Variants in RALB observed in about 807,000 individuals in gnomAD.
The protein encoded by RALB is ras-related protein Ral-B.
Under a neutral mutation model 21.3 loss-of-function variants are expected in RALB, and 16 were observed. The observed-to-expected ratio is 0.75, with a 90% confidence interval of 0.51 to 1.14. The LOEUF (loss-of-function observed/expected upper bound fraction) is 1.14. Ranked by LOEUF, RALB falls within the 50% of genes most tolerant of loss-of-function variation. The probability of loss-of-function intolerance (pLI) is 0.00; values close to 1 mark genes in which losing one functional copy is unlikely to be tolerated. For synonymous variants in RALB, 93 were observed against 96.1 expected (o/e 0.97, Z 0.19); for missense variants, 161 against 256.2 (o/e 0.63, Z 2.54).
intron 1 of RALB, among the ~76,000 whole-genome samples, chr2:120,262,482 T>C (rs574158060): frequency 6.6e-6 from 1 of 152,230 alleles, no homozygotes; most frequent in Admixed American, 6.5e-5. Context: ...AGGAGATGGA[T>C]GCAGTTCTGT....
intron 3 of RALB, among the ~76,000 whole-genome samples, chr2:120,287,103 A>C (rs1317798544): frequency 6.6e-6 from 1 of 152,230 alleles, no homozygotes; most frequent in Non-Finnish European, 1.5e-5. Context: ...CCCAAAAATC[A>C]AATCAGTTTT....
chr2:120,289,449 A>G, intron 3 of RALB, 131 bp from the exon 4 acceptor site: 1 of 925,618 alleles, frequency 1.1e-6, no homozygotes, highest in East Asian at 2.4e-5. Flanking sequence ...CTTTCTCAGA[A>G]CATGCCCTAA....
At chr2:120,246,539 C>T (rs1446234678) in intron 1 of RALB, among the ~76,000 whole-genome samples, 1 of 152,242 alleles carries the variant, frequency 6.6e-6, no homozygotes. Context: ...CTTCCTCCTC[C>T]CCCTTCCTAA....
At chr2:120,292,483 A>C (rs1424386529) in intron 4 of RALB, among the ~76,000 whole-genome samples, 1 of 152,174 alleles carries the variant, frequency 6.6e-6, no homozygotes, top group Non-Finnish European at 1.5e-5. Flanking sequence ...TGTCAAGAGC[A>C]CCTGGGAGCA....
In RALB at chr2:120,246,996, G is replaced by A. The variant is rs72956837; in HGVS notation, c.19+6871G>A. ...TTTCACTTTGGAAAGAGCTCAGCGCGGAATCTAGACACTTGAATCTCATTT... is the reference window on the plus strand; with the variant it reads ...TTTCACTTTGGAAAGAGCTCAGCGCAGAATCTAGACACTTGAATCTCATTT... On this transcript the variant is annotated intron_variant, in intron 1 of 3. Transcript: ENST00000447591. Among the ~76,000 whole-genome samples the A allele has an allele frequency of 3.8e-3, 584 of 152,350 alleles. 3 individuals are homozygous for A. Among genetic ancestry groups the A allele is most frequent in the African/African-American group, 0.013 (531 of 41,574 alleles).
At chr2:120,288,952 A>G (rs949674047) in intron 3 of RALB, among the ~76,000 whole-genome samples, 1 of 152,222 alleles carries the variant, frequency 6.6e-6, no homozygotes, top group Non-Finnish European at 1.5e-5. Flanking sequence ...TCAAAACTGA[A>G]GTTTCAAAAC....
chr2:120,259,246 T>A (rs911033489), intron 1 of RALB, among the ~76,000 whole-genome samples: 1 of 152,236 alleles, frequency 6.6e-6, no homozygotes, highest in African/African-American at 2.4e-5. Context: ...GGCAGCCTGC[T>A]TTTATTCTCT....
chr2:120,245,488 C>G (rs1457379900), intron 1 of RALB, among the ~76,000 whole-genome samples: 1 of 152,122 alleles, frequency 6.6e-6, no homozygotes, highest in Non-Finnish European at 1.5e-5. Context: ...CAGGGCCTGC[C>G]GAGCCCTGGG....
intron 1 of RALB, among the ~76,000 whole-genome samples, chr2:120,274,416 G>C (rs530824083): frequency 3.3e-5 from 5 of 152,152 alleles, no homozygotes; most frequent in Admixed American, 2.0e-4. Flanking sequence ...TCAAGAGTAG[G>C]GGGGAGAAGA....
intron 2 of RALB, among the ~76,000 whole-genome samples, chr2:120,281,152 C>T (rs1689981806): frequency 6.6e-6 from 1 of 152,152 alleles, no homozygotes; most frequent in South Asian, 2.1e-4. Context: ...TCTTCTGAGG[C>T]GTGGGGGTCC....
chr2:120,240,329 G>T (rs1317359132), intron 1 of RALB, among the ~76,000 whole-genome samples: 1 of 150,758 alleles, frequency 6.6e-6, no homozygotes, highest in Admixed American at 6.6e-5. Context: ...CTGTCACCCA[G>T]GCTGGAGTGC....
intron 1 of RALB, among the ~76,000 whole-genome samples, chr2:120,272,298 G>A (rs541031627): frequency 6.6e-6 from 1 of 152,320 alleles, no homozygotes; most frequent in East Asian, 1.9e-4. Flanking sequence ...CCGCCCCACA[G>A]ATGTAGTTCT....
chr2:120,278,841 C>G, intron 2 of RALB, 63 bp downstream of exon 2: 1 of 1,385,140 alleles, frequency 7.2e-7, no homozygotes, highest in Non-Finnish European at 9.5e-7. Flanking sequence ...TCCCTGCTCC[C>G]GCTGTTTCTG....
In RALB at chr2:120,252,872, A is replaced by T; in HGVS notation, c.-156A>T. On this transcript the variant is annotated 5_prime_UTR_variant, in exon 1 of 5. Coordinates refer to ENST00000272519, the MANE Select transcript of RALB (RefSeq NM_002881.3). ...GGTGGGAAAGCGAGCCCGGCAGCTC[A>T]ATGACAAATCGGTGGAGGACGGCTG... is the stretch of plus-strand genomic sequence containing the variant. 4.1e-6 allele frequency: 4 copies of T among 985,500 alleles called. No homozygotes were observed. The highest frequency in any genetic ancestry group is 3.6e-6 in the Non-Finnish European group (3 of 830,024). The allele number at this position is 985,500 out of a possible 1,614,324, so 61.0% of individuals were successfully genotyped here. A position where few individuals can be genotyped will look rare whatever the true frequency, so the allele number is the denominator to read the frequency against.
At chr2:120,279,516 T>C (rs1055541700) in intron 2 of RALB, among the ~76,000 whole-genome samples, 10 of 152,252 alleles carry the variant, frequency 6.6e-5, no homozygotes, top group African/African-American at 1.4e-4. Flanking sequence ...AACAACTGTT[T>C]GCGTAGCCTT....
intron 2 of RALB, among the ~76,000 whole-genome samples, chr2:120,279,576 G>A (rs964166180): frequency 1.3e-5 from 2 of 152,254 alleles, no homozygotes; most frequent in African/African-American, 2.4e-5. Flanking sequence ...TAAAGTGTAC[G>A]GGAGGATGTT....
intron 1 of RALB, among the ~76,000 whole-genome samples, chr2:120,269,301 C>T (rs1391270172): frequency 1.3e-5 from 2 of 152,272 alleles, no homozygotes; most frequent in Admixed American, 6.5e-5. Context: ...CGCAAACCTT[C>T]GCAGTGAGTG....
intron 1 of RALB, among the ~76,000 whole-genome samples, chr2:120,275,108 C>T (rs745599305): frequency 1.3e-5 from 2 of 152,174 alleles, no homozygotes; most frequent in Non-Finnish European, 2.9e-5. Context: ...GGAGAATTCC[C>T]TACAGCCAGA....
chr2:120,280,985 T>G, intron 2 of RALB: 3 of 342,718 alleles, frequency 8.8e-6, no homozygotes, highest in South Asian at 6.7e-5. Flanking sequence ...TGTATTAGTT[T>G]TTTTTATTAC....
Sources: allele counts gnomAD v4.1 joint callset (sites outside exome capture counted in the v4.1 genomes callset), GRCh38; gene constraint gnomAD v4.1.1; transcripts MANE v1.5; gene names NCBI Gene and HGNC (gene_info 2026-07-23, HGNC 2026-07-21).